Variants in TRAPPC9 observed in about 807,000 individuals in gnomAD.
The protein encoded by TRAPPC9 is IKK2 binding protein.
A neutral mutation model predicts 124.0 loss-of-function variants in TRAPPC9; 83 were observed. The observed-to-expected ratio is 0.67, with a 90% CI of 0.56 to 0.80. TRAPPC9 has a LOEUF of 0.80. TRAPPC9 is among the 30% of genes least tolerant of loss of function. The pLI is 0.00. For missense variants in TRAPPC9, 1,302 were observed against 1,508.3 expected, an observed-to-expected ratio of 0.86 and a Z score of 2.27; for synonymous variants, 638 against 617.5, an observed-to-expected ratio of 1.03 and a Z score of -0.49.
chr8:140,300,288 TAC>T (rs929861385), intron 11 of TRAPPC9, among the ~76,000 whole-genome samples, 179 bp downstream of exon 11: 1 of 142,292 alleles, frequency 7.0e-6, no homozygotes, highest in African/African-American at 3.1e-5. Context: ...CATGCACACA[TAC>T]ATATGCATGC....
At chr8:140,403,502 T>C (rs943192245) in intron 6 of TRAPPC9, among the ~76,000 whole-genome samples, 9 of 152,084 alleles carry the variant, frequency 5.9e-5, no homozygotes, top group Admixed American at 5.2e-4. Context: ...CACCTAGGCT[T>C]CCCAAAGTGC....
chr8:140,336,649 T>C (rs1275790758), intron 9 of TRAPPC9, among the ~76,000 whole-genome samples: 1 of 152,080 alleles, frequency 6.6e-6, no homozygotes, highest in Non-Finnish European at 1.5e-5. Flanking sequence ...AGTAGCAAAA[T>C]AATGAGCAAG....
chr8:139,895,713 A>G (rs1188429140), intron 20 of TRAPPC9, among the ~76,000 whole-genome samples: 1 of 152,258 alleles, frequency 6.6e-6, no homozygotes, highest in African/African-American at 2.4e-5. Context: ...GAGAGGCTCT[A>G]GGGAGGCAAG....
At chr8:139,800,394 AG>A (rs1823402296) in intron 21 of TRAPPC9, among the ~76,000 whole-genome samples, 1 of 152,238 alleles carries the variant, frequency 6.6e-6, no homozygotes, top group East Asian at 1.9e-4. Context: ...CTGTTGGAAG[AG>A]GACACACGTG....
chr8:139,776,520 C>T lies in TRAPPC9; in HGVS notation c.3056-44318G>A, dbSNP rs556842426. ...CCCATTCGGCAAACGGGAGCTTCAT[C>T]GCAATAGCGACTGCCTAATTAGGAA... On this transcript the variant is annotated intron_variant, in intron 21 of 22. Transcript: ENST00000438773. The surrounding 1 kb of genome is among the most constrained non-coding windows in gnomAD (Gnocchi z 4.1). 8.5e-5 allele frequency among the ~76,000 whole-genome samples: 13 copies of T among 152,288 alleles called. No individual in the cohort carries two copies. Among genetic ancestry groups the T allele is most frequent in the African/African-American group, 2.9e-4 (12 of 41,562 alleles).
chr8:139,849,379 C>CA (rs1452566886), intron 21 of TRAPPC9, among the ~76,000 whole-genome samples: 1 of 152,216 alleles, frequency 6.6e-6, no homozygotes, highest in Non-Finnish European at 1.5e-5. Context: ...CGGCCAAGGC[C>CA]ATGACTCTGG....
intron 21 of TRAPPC9, among the ~76,000 whole-genome samples, chr8:139,735,599 G>C (rs1818105262): frequency 6.6e-6 from 1 of 152,214 alleles, no homozygotes; most frequent in Non-Finnish European, 1.5e-5. Context: ...TCCATTAAGG[G>C]AAAGATACGA....
rs1830872494 is a variant in TRAPPC9, at chr8:139,899,333, A to G, written c.2964+10814T>C. ...TAACATAAACAGTAAATTAACACGT[A>G]TTTTGCATGTTATATGTATTACATA... On this transcript the variant is annotated intron_variant, in intron 20 of 22. Transcript: ENST00000438773. Among the ~76,000 whole-genome samples, 4 of 152,178 alleles carry G rather than the reference A, an allele frequency of 2.6e-5. No homozygotes were observed. The South Asian group carries it at 8.3e-4, about 32-fold the overall frequency.
chr8:139,823,660 A>G (rs1292515164), intron 21 of TRAPPC9, among the ~76,000 whole-genome samples: 1 of 152,174 alleles, frequency 6.6e-6, no homozygotes, highest in Non-Finnish European at 1.5e-5. Flanking sequence ...AGAGACCTAT[A>G]AAAAGCCTTG....
At chr8:139,785,344 C>G (rs1218277745) in intron 21 of TRAPPC9, among the ~76,000 whole-genome samples, 2 of 152,172 alleles carry the variant, frequency 1.3e-5, no homozygotes, top group Non-Finnish European at 2.9e-5. Context: ...GGGAGAAACT[C>G]TTTGTGATTT....
chr8:140,159,944 A>G (rs2061717066), intron 17 of TRAPPC9, among the ~76,000 whole-genome samples: 1 of 152,224 alleles, frequency 6.6e-6, no homozygotes, highest in Non-Finnish European at 1.5e-5. Flanking sequence ...ACGAACTTAA[A>G]CAAATTTATA....
At chr8:140,440,972 C>CTTTTT (rs60379205) in intron 2 of TRAPPC9, among the ~76,000 whole-genome samples, 34 of 80,278 alleles carry the variant, frequency 4.2e-4, no homozygotes, top group Non-Finnish European at 5.7e-4. Flanking sequence ...AACACTGTTA[C>CTTTTT]TTTTTTTTTT....
At position 140,182,481 on chromosome 8, in the gene TRAPPC9, G is replaced by A. The variant is rs988637841; in HGVS notation, c.2556+38978C>T. ...ACAGCTTCACTACTGATACATTAGT[G>A]TCTGCTAATTCTGAAACTGTACAGC... On this transcript the variant is annotated intron_variant, in intron 17 of 22. Transcript: ENST00000438773. The surrounding 1 kb of genome is among the most constrained non-coding windows in gnomAD (Gnocchi z 4.0). Among the ~76,000 whole-genome samples, 5 of 152,112 alleles carry A rather than the reference G, an allele frequency of 3.3e-5. No individual in the cohort carries two copies. Among genetic ancestry groups the A allele is most frequent in the Non-Finnish European group, 5.9e-5 (4 of 68,022 alleles).
upstream of TRAPPC9, chr8:140,457,760 G>T (rs532514021): frequency 2.0e-6 from 2 of 998,932 alleles, no homozygotes; most frequent in African/African-American, 1.7e-5. Flanking sequence ...CCGAGCCGGC[G>T]CTGCTCCTGC....
Position 139,885,861 on chromosome 8 carries a change from T to G in TRAPPC9, c.3055+18A>C, listed in dbSNP as rs111467460. On this transcript the variant is annotated intron_variant, in intron 21 of 22. Coordinates refer to ENST00000438773, the MANE Select transcript of TRAPPC9 (RefSeq NM_001160372.4). The stretch of plus-strand genomic sequence containing the variant: ...AGCACATCCACCCAGAATCGATGGG[T>G]GGCTGGCGGGTACTCACCCCACTGC... 6.4e-7 allele frequency: 1 copy of G among 1,554,080 alleles called. No individual in the cohort carries two copies. Among genetic ancestry groups the G allele is most frequent in the Non-Finnish European group, 8.7e-7 (1 of 1,148,192 alleles).
intron 5 of TRAPPC9, among the ~76,000 whole-genome samples, chr8:140,415,385 C>G (rs1348620503): frequency 1.3e-5 from 2 of 151,796 alleles, no homozygotes; most frequent in Non-Finnish European, 2.9e-5. Context: ...GAAACCCCAT[C>G]TCTACTAAAA....
At chr8:140,285,491 C>T (rs774328595) in intron 13 of TRAPPC9, among the ~76,000 whole-genome samples, 35 of 152,148 alleles carry the variant, frequency 2.3e-4, no homozygotes, top group Non-Finnish European at 4.6e-4. Flanking sequence ...CTTCAAATAA[C>T]GCAGCAGCCC....
chr8:140,101,140 G>A (rs1478048449), intron 17 of TRAPPC9, among the ~76,000 whole-genome samples: 1 of 152,142 alleles, frequency 6.6e-6, no homozygotes, highest in Admixed American at 6.5e-5. Context: ...AAATCAAAAT[G>A]AGCATATCTT....
intron 5 of TRAPPC9, among the ~76,000 whole-genome samples, chr8:140,416,466 C>T (rs1410123475): frequency 6.6e-6 from 1 of 152,142 alleles, no homozygotes; most frequent in African/African-American, 2.4e-5. Context: ...CTCCCATTCA[C>T]AATTGCTTCA....
Sources: gnomAD v4.1 joint callset for allele counts (sites outside exome capture counted in the v4.1 genomes callset) on GRCh38, gnomAD v4.1.1 for gene constraint, Gnocchi (gnomAD v3.1) non-coding constraint, MANE v1.5 for transcripts, NCBI Gene and HGNC (gene_info 2026-07-23, HGNC 2026-07-21) for gene names.